The following NETO1 variants were observed in gnomAD, a reference collection of about 807,000 sequenced individuals.
NETO1 encodes the protein neuropilin and tolloid like 1, also known as neuropilin and tolloid-like protein 1.
In NETO1, 26 loss-of-function variants were observed where a neutral mutation model predicts 61.3. The observed-to-expected ratio is 0.42, with a 90% CI of 0.31 to 0.59. The LOEUF (loss-of-function observed/expected upper bound fraction) is 0.59. Among genes scored for constraint, NETO1 ranks in the 20% least tolerant of loss-of-function variants. NETO1 has a pLI of 0.12. For synonymous variants in NETO1, 225 were observed against 225.8 expected (o/e 1.00, Z 0.03); for missense variants, 531 against 662.8 (o/e 0.80, Z 2.18).
chr18:72,752,283 T>G (rs894693688), intron 8 of NETO1, among the ~76,000 whole-genome samples: 3 of 152,174 alleles, frequency 2.0e-5, no homozygotes, highest in African/African-American at 7.2e-5. Context: ...TCTTGGGCAC[T>G]GTCAAAAGCA....
At chr18:72,756,733 T>TA (rs1229670556) in intron 7 of NETO1, among the ~76,000 whole-genome samples, 1 of 152,112 alleles carries the variant, frequency 6.6e-6, no homozygotes, top group Non-Finnish European at 1.5e-5. Context: ...AAAATTAGCT[T>TA]ACTACGCATG....
At chr18:72,765,278 C>T (rs947653511) in intron 7 of NETO1, among the ~76,000 whole-genome samples, 3 of 152,206 alleles carry the variant, frequency 2.0e-5, no homozygotes, top group Non-Finnish European at 4.4e-5. Context: ...TCCCACAATA[C>T]ATACTAGGGC....
At chr18:72,842,085 C>T (rs1386006378) in intron 4 of NETO1, among the ~76,000 whole-genome samples, 4 of 152,040 alleles carry the variant, frequency 2.6e-5, no homozygotes, top group African/African-American at 4.8e-5. Flanking sequence ...ACTGTATTTG[C>T]AACTTTTCTG....
chr18:72,855,619 T>C (rs1380003610), intron 4 of NETO1, among the ~76,000 whole-genome samples: 1 of 152,174 alleles, frequency 6.6e-6, no homozygotes, highest in Non-Finnish European at 1.5e-5. Context: ...GCACAGCTAC[T>C]ATGAACAGCA....
intron 7 of NETO1, among the ~76,000 whole-genome samples, chr18:72,772,070 A>G (rs565283429): frequency 7.9e-5 from 12 of 152,290 alleles, no homozygotes; most frequent in African/African-American, 2.6e-4. Flanking sequence ...CTGGAATAGT[A>G]GAACTGAGGT....
At chr18:72,800,392 G>A (rs1051972957) in intron 4 of NETO1, among the ~76,000 whole-genome samples, 2 of 152,104 alleles carry the variant, frequency 1.3e-5, no homozygotes, top group Non-Finnish European at 2.9e-5. Context: ...CTATCTTTGT[G>A]AAGCAGGGTT....
At chr18:72,834,548 A>G (rs1013922609) in intron 4 of NETO1, 2 of 974,766 alleles carry the variant, frequency 2.1e-6, no homozygotes, top group African/African-American at 3.5e-5. Context: ...ATATAAAAGC[A>G]ATGAAAATCA....
chr18:72,863,181 T>C (rs2074631666), intron 3 of NETO1, among the ~76,000 whole-genome samples: 1 of 152,210 alleles, frequency 6.6e-6, no homozygotes, highest in East Asian at 1.9e-4. Context: ...TCTTTGAGAC[T>C]GCTTCCCTCT....
intron 7 of NETO1, among the ~76,000 whole-genome samples, chr18:72,761,156 T>G (rs937019434): frequency 6.6e-6 from 1 of 152,216 alleles, no homozygotes; most frequent in Non-Finnish European, 1.5e-5. Context: ...GTGACTTAAC[T>G]GACATTAAAT....
At chr18:72,781,668 G>A (rs1009593947) in intron 7 of NETO1, among the ~76,000 whole-genome samples, 3 of 152,076 alleles carry the variant, frequency 2.0e-5, no homozygotes, top group South Asian at 2.1e-4. Context: ...CGATTTATTC[G>A]TTATGCAAAA....
intron 4 of NETO1, among the ~76,000 whole-genome samples, chr18:72,812,651 T>C (rs1678805304): frequency 6.6e-6 from 1 of 152,210 alleles, no homozygotes; most frequent in African/African-American, 2.4e-5. Context: ...CAATCATTTG[T>C]TCCACCTAGT....
At chr18:72,836,649 G>C (rs756413097) in intron 4 of NETO1, among the ~76,000 whole-genome samples, 2 of 152,140 alleles carry the variant, frequency 1.3e-5, no homozygotes, top group African/African-American at 4.8e-5. Context: ...ATTGCAAATC[G>C]TTTTGCATGA....
At chr18:72,847,769 A>G (rs2074132930) in intron 4 of NETO1, among the ~76,000 whole-genome samples, 1 of 152,226 alleles carries the variant, frequency 6.6e-6, no homozygotes, top group Non-Finnish European at 1.5e-5. Context: ...TTGGACTGGT[A>G]GACCCAAATT....
chr18:72,789,345 T>C (rs935799128), intron 6 of NETO1, among the ~76,000 whole-genome samples: 13 of 152,130 alleles, frequency 8.5e-5, no homozygotes. Context: ...TGAGTAGCTG[T>C]TGAAAATATG....
At chr18:72,838,664 C>T (rs1194236039) in intron 4 of NETO1, among the ~76,000 whole-genome samples, 1 of 152,196 alleles carries the variant, frequency 6.6e-6, no homozygotes, top group African/African-American at 2.4e-5. Context: ...TCTTGTTGCA[C>T]TGTTCCAGTG....
chr18:72,778,476 A>G (rs939739933), intron 7 of NETO1, among the ~76,000 whole-genome samples: 6 of 152,276 alleles, frequency 3.9e-5, no homozygotes, highest in Admixed American at 3.9e-4. Context: ...TCAGGAGTCA[A>G]ACGTTCTTTC....
intron 4 of NETO1, among the ~76,000 whole-genome samples, chr18:72,824,489 G>A (rs983665976): frequency 7.2e-5 from 11 of 152,230 alleles, no homozygotes; most frequent in Non-Finnish European, 1.6e-4. Context: ...CTCATTAACT[G>A]TTGAGACTAT....
intron 6 of NETO1, among the ~76,000 whole-genome samples, chr18:72,793,664 AC>A (rs949488416): frequency 4.6e-5 from 7 of 152,258 alleles, no homozygotes; most frequent in Admixed American, 2.0e-4. Context: ...AGGCCCTGTT[AC>A]CATTGCTGCC....
At chr18:72,840,025 T>G (rs560240975) in intron 4 of NETO1, among the ~76,000 whole-genome samples, 1 of 152,336 alleles carries the variant, frequency 6.6e-6, no homozygotes, top group East Asian at 1.9e-4. Context: ...CTCTGTAGCT[T>G]GTCTTATAGT....
Sources: gnomAD v4.1 joint callset for allele counts (sites outside exome capture counted in the v4.1 genomes callset) on GRCh38, gnomAD v4.1.1 for gene constraint, MANE v1.5 for transcripts, NCBI Gene and HGNC (gene_info 2026-07-23, HGNC 2026-07-21) for gene names.